CFAP44: variants seen among roughly 807,000 people sequenced by gnomAD.
CFAP44 encodes the protein cilia- and flagella-associated protein 44.
CFAP44 carries 134 observed loss-of-function variants against 216.2 expected under a neutral mutation model. The observed-to-expected ratio is 0.62, with a 90% confidence interval of 0.54 to 0.72. The LOEUF is 0.72. Among genes scored for constraint, CFAP44 ranks in the 30% least tolerant of loss-of-function variants. The pLI, the probability that CFAP44 is intolerant of heterozygous loss-of-function variation, is 0.00. For synonymous variants in CFAP44, 700 were observed against 727.6 expected (o/e 0.96, Z 0.61); for missense variants, 2,035 against 2,182.1 (o/e 0.93, Z 1.34).
chr3:113,414,105 T>C (rs537564775), intron 6 of CFAP44, among the ~76,000 whole-genome samples: 18 of 152,330 alleles, frequency 1.2e-4, no homozygotes, highest in African/African-American at 4.3e-4. Flanking sequence ...CTAGGTATTT[T>C]ATTCTCTTTG....
intron 32 of CFAP44, among the ~76,000 whole-genome samples, chr3:113,302,772 CAAAAAAAA>C (rs57355375): frequency 2.2e-5 from 1 of 44,514 alleles, no homozygotes; most frequent in Admixed American, 2.4e-4. Flanking sequence ...GACTCCATCT[CAAAAAAAA>C]AAAAAAAAAA....
chr3:113,396,617 A>G lies in CFAP44; in HGVS notation c.1680T>C (p.Ile560=). ...GTTTCAACTGAATATCAGCATCCAAAATTTTCTTCCGTCCCGCAAAAATCG... is the reference window on the plus strand; with the variant it reads ...GTTTCAACTGAATATCAGCATCCAAGATTTTCTTCCGTCCCGCAAAAATCG... ...GLTIFAGRKK[I]LDADIQLKQV... The change falls in exon 14 of 35, where the codon ATT becomes ATC. Residue 560 remains isoleucine, a synonymous_variant. Transcript: ENST00000393845. 1 of 1,614,080 alleles carries G rather than the reference A, an allele frequency of 6.2e-7. No individual in the cohort carries two copies. Among genetic ancestry groups the G allele is most frequent in the Non-Finnish European group, 8.5e-7 (1 of 1,179,998 alleles).
At chr3:113,351,085 T>C (rs1418144479) in intron 22 of CFAP44, among the ~76,000 whole-genome samples, 2 of 152,130 alleles carry the variant, frequency 1.3e-5, no homozygotes, top group Non-Finnish European at 2.9e-5. Context: ...TAATAATGGG[T>C]CCGCTCAAAT....
At chr3:113,348,343 T>C (rs1191949238) in intron 22 of CFAP44, among the ~76,000 whole-genome samples, 1 of 152,132 alleles carries the variant, frequency 6.6e-6, no homozygotes, top group Admixed American at 6.5e-5. Context: ...AGGTGGCTCA[T>C]TTTTTTCTGC....
Position 113,299,099 on chromosome 3 carries a change from T to C in CFAP44, c.5078-2214A>G, listed in dbSNP as rs193193322. On this transcript the variant is annotated intron_variant, in intron 32 of 34. Transcript: ENST00000393845. Reference sequence around the variant, plus strand: ...AGTTATTGTTCATCAAAAGCCACCATAAAACAATCAACAAAGTAAAAAGAT... The same window carrying C: ...AGTTATTGTTCATCAAAAGCCACCACAAAACAATCAACAAAGTAAAAAGAT... Among the ~76,000 whole-genome samples the C allele has an allele frequency of 2.2e-4, 34 of 152,256 alleles. No homozygotes were observed. The East Asian group carries it at 5.2e-3, about 23-fold the overall frequency.
In CFAP44 at chr3:113,305,927, C is replaced by T. The variant is rs1288988791; in HGVS notation, c.4758+274G>A. 2.0e-5 allele frequency among the ~76,000 whole-genome samples: 3 copies of T among 152,114 alleles called. No homozygotes were observed. The East Asian group carries it at 5.8e-4, about 29-fold the overall frequency. ...TAAATACAATTTATAAATACATATA[C>T]ATTTATTGTATGGGGAGGGGCTCCA... On this transcript the variant is annotated intron_variant, in intron 30 of 34. Coordinates refer to ENST00000393845, the MANE Select transcript of CFAP44 (RefSeq NM_001164496.2).
chr3:113,410,644 A>G (rs1177161422), intron 6 of CFAP44, among the ~76,000 whole-genome samples: 1 of 152,110 alleles, frequency 6.6e-6, no homozygotes, highest in Admixed American at 6.5e-5. Context: ...ATGATTTATA[A>G]TCCTTTGGGT....
chr3:113,346,224 T>A (rs1268250110), intron 22 of CFAP44, among the ~76,000 whole-genome samples: 1 of 152,074 alleles, frequency 6.6e-6, no homozygotes, highest in Non-Finnish European at 1.5e-5. Context: ...CAGCACTTTG[T>A]AAAAACACAC....
chr3:113,289,779 G>A lies in CFAP44; in HGVS notation c.*1778C>T, dbSNP rs982829824. ...CTTGTATACATCATTCTCTCTTGCT[G>A]TCTCCCTCACTCTTGGATCACTTGC... On this transcript the variant is annotated 3_prime_UTR_variant, in exon 35 of 35. Coordinates refer to ENST00000393845, the MANE Select transcript of CFAP44 (RefSeq NM_001164496.2). 1.3e-5 allele frequency: 2 copies of A among 152,270 alleles called. No individual in the cohort carries two copies. Among genetic ancestry groups the A allele is most frequent in the Non-Finnish European group, 2.9e-5 (2 of 68,094 alleles). The allele number at this position is 152,270 out of a possible 1,614,324, so 9.4% of individuals were successfully genotyped here.
chr3:113,337,671 C>A (rs908587864), intron 24 of CFAP44, among the ~76,000 whole-genome samples: 1 of 151,842 alleles, frequency 6.6e-6, no homozygotes, highest in African/African-American at 2.4e-5. Flanking sequence ...TGATTTCTGA[C>A]AAAGGTGCAA....
At chr3:113,426,633 C>T (rs1934966798) in intron 3 of CFAP44, 1 of 216,106 alleles carries the variant, frequency 4.6e-6, no homozygotes, top group Non-Finnish European at 9.3e-6. Flanking sequence ...TATAAATTAC[C>T]CAGTCTCAGG....
chr3:113,376,611 A>C (rs757180240), intron 17 of CFAP44, among the ~76,000 whole-genome samples: 5 of 152,218 alleles, frequency 3.3e-5, no homozygotes. Flanking sequence ...CAACTCTGTT[A>C]AATGTTCCGA....
In CFAP44 at chr3:113,379,329, G is replaced by A. The variant is rs202129117; in HGVS notation, c.2275C>T (p.Pro759Ser). ...ACCAAAGAAACCCAGAACTTCCCTG[G>A]CTCTGAGTAAAATCCACAGAGGATG... ...SPILCGFYSEPGKFWVSLGGY... is the reference protein window; with the variant it reads ...SPILCGFYSESGKFWVSLGGY... Residue 759 changes from proline (P) to serine (S), a missense_variant, in exon 17 of 35, where the codon CCA becomes TCA. By Grantham distance (74) the Pro-to-Ser change is moderately conservative. This residue lies in a region of CFAP44 where 1,883 missense variants were observed against 2,023.7 expected (regional missense o/e 0.93). Transcript: ENST00000393845. 2 of 1,593,684 alleles carry A rather than the reference G, an allele frequency of 1.3e-6. No individual in the cohort carries two copies. The highest frequency in any genetic ancestry group is 2.2e-5 in the East Asian group (1 of 44,516).
chr3:113,388,829 AT>A (rs1933718793), intron 15 of CFAP44, among the ~76,000 whole-genome samples: 2 of 152,224 alleles, frequency 1.3e-5, no homozygotes. Flanking sequence ...GGATATAACA[AT>A]TGTAAATATA....
intron 16 of CFAP44, among the ~76,000 whole-genome samples, chr3:113,380,592 G>A (rs1174638478): frequency 6.6e-6 from 1 of 152,026 alleles, no homozygotes; most frequent in African/African-American, 2.4e-5. Flanking sequence ...CAATGTGCCT[G>A]GCCCCTCCCA....
chr3:113,319,121 C>T (rs973908549), intron 28 of CFAP44, among the ~76,000 whole-genome samples: 4 of 152,102 alleles, frequency 2.6e-5, no homozygotes, highest in African/African-American at 9.7e-5. Context: ...CTAAACACCC[C>T]ACTTAAAAGC....
Position 113,287,278 on chromosome 3 carries a change from T to C in CFAP44, c.*4279A>G, listed in dbSNP as rs996261940. The C allele has an allele frequency of 1.3e-5, 4 of 315,764 alleles. No homozygotes were observed. The highest frequency in any genetic ancestry group is 8.7e-5 in the African/African-American group (4 of 45,768). The allele number at this position is 315,764 out of a possible 1,614,324, so 19.6% of individuals were successfully genotyped here. ...CACAGCCTGGAGACACCCACACAGA[T>C]GGCTGGATCCGGTGCTACGGGAAAC... On this transcript the variant is annotated 3_prime_UTR_variant, in exon 35 of 35. Coordinates refer to ENST00000393845, the MANE Select transcript of CFAP44 (RefSeq NM_001164496.2).
chr3:113,342,141 TG>T (rs1950338791), intron 23 of CFAP44, among the ~76,000 whole-genome samples: 1 of 152,204 alleles, frequency 6.6e-6, no homozygotes. Flanking sequence ...GAGACCAGCC[TG>T]GGCAACGTGG....
intron 22 of CFAP44, among the ~76,000 whole-genome samples, chr3:113,353,506 T>C (rs933478773): frequency 3.3e-5 from 5 of 150,384 alleles, no homozygotes; most frequent in African/African-American, 9.8e-5. Flanking sequence ...ACAAAACTTA[T>C]ATATACTGTG....
Sources: allele counts gnomAD v4.1 joint callset (sites outside exome capture counted in the v4.1 genomes callset), GRCh38; gene constraint gnomAD v4.1.1; regional missense constraint gnomAD v4.1.1; transcripts MANE v1.5; gene names NCBI Gene and HGNC (gene_info 2026-07-23, HGNC 2026-07-21).